STK32B: variants seen among roughly 807,000 people sequenced by gnomAD.
STK32B encodes the protein serine/threonine kinase 32B.
STK32B carries 43 observed loss-of-function variants against 52.6 expected under a neutral mutation model. That is an observed-to-expected ratio of 0.82 (90% CI 0.64 to 1.05). The LOEUF is 1.05. Among genes scored for constraint, STK32B ranks in the 50% least tolerant of loss-of-function variants. STK32B has a pLI of 0.00. For missense variants in STK32B, 621 were observed against 534.6 expected (o/e 1.16, Z -1.59); for synonymous variants, 238 against 204.3 (o/e 1.17, Z -1.41).
chr4:5,408,681 A>G (rs771371490), intron 5 of STK32B, among the ~76,000 whole-genome samples: 7 of 152,100 alleles, frequency 4.6e-5, no homozygotes, highest in Non-Finnish European at 1.0e-4. Flanking sequence ...GGTAAGAATA[A>G]TCTTAATTAT....
At chr4:5,371,549 C>T (rs767303278) in intron 4 of STK32B, among the ~76,000 whole-genome samples, 11 of 152,116 alleles carry the variant, frequency 7.2e-5, no homozygotes, top group Admixed American at 2.6e-4. Flanking sequence ...TTATTTCCCT[C>T]GCGCGGTTGT....
intron 9 of STK32B, 115 bp from the exon 10 acceptor site, chr4:5,466,588 C>A: frequency 7.4e-7 from 1 of 1,359,562 alleles, no homozygotes; most frequent in Non-Finnish European, 9.8e-7. Context: ...GTGTATCCAA[C>A]AAGAGTAAGT....
At chr4:5,144,816 C>A (rs1478171702) in intron 2 of STK32B, among the ~76,000 whole-genome samples, 1 of 152,160 alleles carries the variant, frequency 6.6e-6, no homozygotes, top group Non-Finnish European at 1.5e-5. Flanking sequence ...ATCCATCCAT[C>A]CATCCATCCA....
At chr4:5,163,478 G>A (rs1330244272) in intron 2 of STK32B, among the ~76,000 whole-genome samples, 1 of 152,044 alleles carries the variant, frequency 6.6e-6, no homozygotes, top group Non-Finnish European at 1.5e-5. Flanking sequence ...AAGGGCAGGA[G>A]AGGTTGGTGA....
intron 1 of STK32B, among the ~76,000 whole-genome samples, chr4:5,109,452 C>T (rs1714275545): frequency 6.6e-6 from 1 of 152,066 alleles, no homozygotes; most frequent in Non-Finnish European, 1.5e-5. Flanking sequence ...AAGAAAAATA[C>T]AGAATGCTGT....
intron 2 of STK32B, among the ~76,000 whole-genome samples, chr4:5,143,105 G>GTC (rs546002203): frequency 6.0e-5 from 8 of 132,742 alleles, no homozygotes; most frequent in South Asian, 5.5e-4. Context: ...CTCTGTCTCT[G>GTC]TCTGTCTGTC....
intron 4 of STK32B, among the ~76,000 whole-genome samples, chr4:5,393,584 A>G (rs142116709): frequency 0.011 from 1,730 of 152,280 alleles, 21 homozygotes; most frequent in South Asian, 0.057. Context: ...CATGTCTTAC[A>G]TGGCGGGAGC....
Position 5,058,355 on chromosome 4 carries a change from T to C in STK32B, c.52+6440T>C, listed in dbSNP as rs1742087118. Among the ~76,000 whole-genome samples the C allele has an allele frequency of 6.6e-6, 1 of 152,202 alleles. No individual in the cohort carries two copies. The highest frequency in any genetic ancestry group is 2.4e-5 in the African/African-American group (1 of 41,448). On this transcript the variant is annotated intron_variant, in intron 1 of 11. Coordinates refer to ENST00000282908, the MANE Select transcript of STK32B (RefSeq NM_018401.3). This position sits in a 1 kb window ranked among gnomAD's most constrained non-coding sequence, Gnocchi z 4.8. ...TCCATTTGAGCTGAGATGACATATG[T>C]CACATCTTGGAGAAAGTATTGAAGA...
At chr4:5,333,199 G>C (rs546494633) in intron 4 of STK32B, among the ~76,000 whole-genome samples, 3,946 of 152,196 alleles carry the variant, frequency 0.026, 170 homozygotes, top group African/African-American at 0.089. Flanking sequence ...TAACTGGTGT[G>C]AGATGGTATC....
In STK32B at chr4:5,316,636, A is replaced by ATT. The variant is rs1174680398; in HGVS notation, c.261-14584_261-14583insTT. Among the ~76,000 whole-genome samples the ATT allele has an allele frequency of 3.9e-3, 13 of 3,364 alleles. 1 individual carries two copies. Among genetic ancestry groups the ATT allele is most frequent in the Admixed American group, 9.7e-3 (2 of 206 alleles). The allele number at this position is 3,364 out of a possible 152,430, so 2.2% of individuals were successfully genotyped here. A position where few individuals can be genotyped will look rare whatever the true frequency, so the allele number is the denominator to read the frequency against. On this transcript the variant is annotated intron_variant, in intron 3 of 11. Transcript: ENST00000282908. ...ATTATATATTATATATATAATATAT[A>ATT]ATATATTATATATATAATATATAAT...
At chr4:5,156,949 G>A (rs1560183677) in intron 2 of STK32B, among the ~76,000 whole-genome samples, 1 of 151,912 alleles carries the variant, frequency 6.6e-6, no homozygotes, top group Non-Finnish European at 1.5e-5. Flanking sequence ...AATAAGGAAA[G>A]ACTCTTTGCA....
At chr4:5,091,340 AC>A (rs1296330943) in intron 1 of STK32B, among the ~76,000 whole-genome samples, 1 of 152,176 alleles carries the variant, frequency 6.6e-6, no homozygotes, top group Non-Finnish European at 1.5e-5. Context: ...TTTGATAAGG[AC>A]CTAATAAACA....
chr4:5,436,094 G>A (rs1024046969), intron 6 of STK32B, among the ~76,000 whole-genome samples: 1 of 152,370 alleles, frequency 6.6e-6, no homozygotes, highest in Non-Finnish European at 1.5e-5. Flanking sequence ...TGGGGCCTCA[G>A]TGCTGGGCCG....
At chr4:5,439,944 T>A (rs547595813) in intron 6 of STK32B, among the ~76,000 whole-genome samples, 3 of 152,310 alleles carry the variant, frequency 2.0e-5, no homozygotes, top group Non-Finnish European at 4.4e-5. Context: ...AAGGGCTCTG[T>A]TGTGTTCCAT....
In STK32B at chr4:5,171,335, G is replaced by T. The variant is rs546461705; in HGVS notation, c.260+2885G>T. ...AATGAGATCCCATTTGTCAATTTTG[G>T]CTTTTGTTGCCATTGCTTTTGGTGT... On this transcript the variant is annotated intron_variant, in intron 3 of 11. Transcript: ENST00000282908. Among the ~76,000 whole-genome samples, 10 of 151,922 alleles carry T rather than the reference G, an allele frequency of 6.6e-5. No individual in the cohort carries two copies. In the South Asian group the frequency reaches 1.0e-3, roughly 16 times the overall value.
At chr4:5,437,351 G>A (rs1192152138) in intron 6 of STK32B, among the ~76,000 whole-genome samples, 2 of 152,326 alleles carry the variant, frequency 1.3e-5, no homozygotes, top group Middle Eastern at 3.4e-3. Flanking sequence ...CAGAAGCCAC[G>A]GGAGGATTCT....
intron 1 of STK32B, among the ~76,000 whole-genome samples, chr4:5,102,633 G>T (rs539836338): frequency 6.6e-6 from 1 of 151,590 alleles, no homozygotes. Flanking sequence ...CCGAGTTCAA[G>T]CCATTCTCCT....
chr4:5,102,578 G>T (rs1453434822), intron 1 of STK32B, among the ~76,000 whole-genome samples: 3 of 147,924 alleles, frequency 2.0e-5, no homozygotes, highest in African/African-American at 7.5e-5. Context: ...TTCCCAGGCT[G>T]GAGTATGCAG....
At chr4:5,342,754 T>G (rs1035552011) in intron 4 of STK32B, among the ~76,000 whole-genome samples, 1 of 152,198 alleles carries the variant, frequency 6.6e-6, no homozygotes, top group African/African-American at 2.4e-5. Flanking sequence ...TTTTTCTACC[T>G]TGTTCATCTT....
Sources: gnomAD v4.1 joint callset for allele counts (sites outside exome capture counted in the v4.1 genomes callset) on GRCh38, gnomAD v4.1.1 for gene constraint, Gnocchi (gnomAD v3.1) non-coding constraint, MANE v1.5 for transcripts, NCBI Gene and HGNC (gene_info 2026-07-23, HGNC 2026-07-21) for gene names.